KLF7: variants seen among roughly 807,000 people sequenced by gnomAD.
KLF7 encodes the protein Krueppel-like factor 7.
KLF7 carries 2 observed loss-of-function variants against 27.3 expected under a neutral mutation model. The ratio of observed to expected loss-of-function variants is 0.07; its 90% CI spans 0.03 to 0.23. KLF7 has a LOEUF of 0.23. Ranked by LOEUF, KLF7 falls within the 10% of genes least tolerant of loss-of-function variation. The probability of loss-of-function intolerance (pLI) is 1.00; values close to 1 mark genes in which losing one functional copy is unlikely to be tolerated. For missense variants in KLF7, 221 were observed against 394.1 expected (o/e 0.56, Z 3.72); for synonymous variants, 165 against 162.4 (o/e 1.02, Z -0.12).
At chr2:207,088,646 C>T (rs2076443560) in intron 2 of KLF7, 65 bp from the exon 3 acceptor site, 1 of 1,549,028 alleles carries the variant, frequency 6.5e-7, no homozygotes, top group Non-Finnish European at 8.8e-7. Flanking sequence ...CCCAACCAGC[C>T]TGTGCTGCCT....
chr2:207,096,622 C>G (rs2076635913), intron 2 of KLF7, among the ~76,000 whole-genome samples: 1 of 152,144 alleles, frequency 6.6e-6, no homozygotes, highest in Non-Finnish European at 1.5e-5. Context: ...GTCATAAAAC[C>G]AAAAGGCTCA....
chr2:207,162,606 C>A (rs1018945838), intron 1 of KLF7, among the ~76,000 whole-genome samples: 9 of 152,188 alleles, frequency 5.9e-5, no homozygotes, highest in Non-Finnish European at 1.2e-4. Flanking sequence ...AATGTCAAAA[C>A]GAGGATCTCC....
upstream of KLF7, chr2:207,166,847 G>T (rs1202856247): frequency 5.7e-6 from 6 of 1,047,024 alleles, no homozygotes; most frequent in East Asian, 2.7e-4. Flanking sequence ...AGGAGGAAGT[G>T]CCACACAATG....
chr2:207,113,360 G>A (rs1249917397), intron 2 of KLF7, among the ~76,000 whole-genome samples: 2 of 152,034 alleles, frequency 1.3e-5, no homozygotes, highest in African/African-American at 4.8e-5. Context: ...AGACTTTAAT[G>A]TGTTTCCATA....
rs751930376 is a variant in KLF7 at position 207,124,305 on chromosome 2, G to T, written c.202C>A (p.Pro68Thr). Residue 68 changes from proline to threonine, a missense_variant, in exon 2 of 4, where the codon CCG (proline) becomes ACG (threonine). Coordinates refer to ENST00000309446, the MANE Select transcript of KLF7 (RefSeq NM_003709.4). The stretch of plus-strand genomic sequence containing the variant: ...CGACGGAAGCTTTCCTCAATGCACG[G>T]GGGAGGGGAAGCGTGGAGGAAACAG... ...LDCFLHASPPPCIEESFRRLD... is the reference protein window; with the variant it reads ...LDCFLHASPPTCIEESFRRLD... 18 of 1,613,460 alleles carry T rather than the reference G, an allele frequency of 1.1e-5. No individual in the cohort carries two copies. The highest frequency in any genetic ancestry group is 1.3e-5 in the Non-Finnish European group (15 of 1,179,576).
At chr2:207,161,906 A>C (rs994935236) in intron 1 of KLF7, among the ~76,000 whole-genome samples, 3 of 152,258 alleles carry the variant, frequency 2.0e-5, no homozygotes, top group African/African-American at 7.2e-5. Context: ...AGAGGCCTGA[A>C]ACTGACCCCA....
At chr2:207,142,650 G>A (rs536481109) in intron 1 of KLF7, among the ~76,000 whole-genome samples, 1 of 152,290 alleles carries the variant, frequency 6.6e-6, no homozygotes, top group South Asian at 2.1e-4. Context: ...ACAGACCTTG[G>A]CAAATGAGTG....
Position 207,165,621 on chromosome 2 carries a change from G to A in KLF7, c.-53C>T. 1 of 1,610,502 alleles carries A rather than the reference G, an allele frequency of 6.2e-7. No individual in the cohort carries two copies. Among genetic ancestry groups the A allele is most frequent in the Non-Finnish European group, 8.5e-7 (1 of 1,178,842 alleles). ...CGAAACCCTCCCCCGAACACAGTTGGGGCTGTTTGTTTGTCAGTCTGTCTG... is the reference window on the plus strand; with the variant it reads ...CGAAACCCTCCCCCGAACACAGTTGAGGCTGTTTGTTTGTCAGTCTGTCTG... On this transcript the variant is annotated 5_prime_UTR_variant, in exon 1 of 4. Coordinates refer to ENST00000309446, the MANE Select transcript of KLF7 (RefSeq NM_003709.4).
upstream of KLF7, among the ~76,000 whole-genome samples, chr2:207,169,746 A>G (rs2078773273): frequency 6.6e-6 from 1 of 152,070 alleles, no homozygotes; most frequent in Admixed American, 6.5e-5. Flanking sequence ...TTTTGTTATT[A>G]TATCTGATAT....
rs572639424 is a variant in KLF7 at position 207,105,127 on chromosome 2, C to T, written c.734-16546G>A. On this transcript the variant is annotated intron_variant, in intron 2 of 3. Transcript: ENST00000309446. The stretch of plus-strand genomic sequence containing the variant: ...CATTCCGTCACCTTCTCAAAAAAAT[C>T]GGTGTCACTTAACAAGTTCTACATA... 1.6e-4 allele frequency among the ~76,000 whole-genome samples: 24 copies of T among 152,286 alleles called. No individual in the cohort carries two copies. In the South Asian group the frequency reaches 4.8e-3, roughly 30 times the overall value.
At chr2:207,094,620 G>T (rs2076583526) in intron 2 of KLF7, among the ~76,000 whole-genome samples, 1 of 152,202 alleles carries the variant, frequency 6.6e-6, no homozygotes, top group East Asian at 1.9e-4. Context: ...TAGAGAAAGT[G>T]TCACTAAGCT....
At chr2:207,128,773 C>T (rs1046950830) in intron 1 of KLF7, among the ~76,000 whole-genome samples, 4 of 152,102 alleles carry the variant, frequency 2.6e-5, no homozygotes, top group Non-Finnish European at 5.9e-5. Context: ...AAATTGAGGA[C>T]TATTCTACAA....
chr2:207,094,767 CCT>C (rs1257662790), intron 2 of KLF7, among the ~76,000 whole-genome samples: 1 of 151,692 alleles, frequency 6.6e-6, no homozygotes, highest in Non-Finnish European at 1.5e-5. Context: ...TCTCAGAGCC[CCT>C]CTTAGATTCC....
intron 1 of KLF7, chr2:207,149,282 T>G: frequency 1.7e-6 from 1 of 586,220 alleles, no homozygotes; most frequent in Non-Finnish European, 2.7e-6. Flanking sequence ...GCTCTGCCTT[T>G]GTCTTCTAGA....
At chr2:207,158,702 A>G (rs961507722) in intron 1 of KLF7, among the ~76,000 whole-genome samples, 3 of 152,240 alleles carry the variant, frequency 2.0e-5, no homozygotes, top group South Asian at 2.1e-4. Context: ...TTAAAAGTGG[A>G]AAAAGAATCA....
the KLF7 span, among the ~76,000 whole-genome samples, chr2:207,172,906 GAGC>G: frequency 9.2e-5 from 14 of 152,324 alleles, no homozygotes; most frequent in African/African-American, 3.4e-4. Flanking sequence ...GCCACTATGA[GAGC>G]AGGAGAGAAG....
intron 2 of KLF7, among the ~76,000 whole-genome samples, chr2:207,116,804 A>G (rs1391270635): frequency 6.6e-6 from 1 of 152,160 alleles, no homozygotes; most frequent in African/African-American, 2.4e-5. Flanking sequence ...TTGAATTTAT[A>G]AAATTCTATT....
rs1407611829 is a variant in KLF7 at position 207,079,338 on chromosome 2, T to A, written c.*1875A>T. ...ATTTCCTTTTGACTTCAGTTTTGCATCCCAAATATGTATGGGGTGGCATTT... is the reference window on the plus strand; with the variant it reads ...ATTTCCTTTTGACTTCAGTTTTGCAACCCAAATATGTATGGGGTGGCATTT... On this transcript the variant is annotated 3_prime_UTR_variant, in exon 4 of 4. Coordinates refer to ENST00000309446, the MANE Select transcript of KLF7 (RefSeq NM_003709.4). The A allele has an allele frequency of 6.6e-6, 1 of 152,198 alleles. No individual in the cohort carries two copies. Among genetic ancestry groups the A allele is most frequent in the Non-Finnish European group, 1.5e-5 (1 of 68,034 alleles). 9.4% of individuals were successfully genotyped at this position (152,198 alleles called of 1,614,324 possible). A position where few individuals can be genotyped will look rare whatever the true frequency, so the allele number is the denominator to read the frequency against.
At chr2:207,124,667 C>T (rs1023612680) in intron 1 of KLF7, among the ~76,000 whole-genome samples, 5 of 152,186 alleles carry the variant, frequency 3.3e-5, no homozygotes, top group African/African-American at 1.2e-4. Flanking sequence ...CTTCGAGATT[C>T]CAGAGAACAT....
Sources: allele counts gnomAD v4.1 joint callset (sites outside exome capture counted in the v4.1 genomes callset), GRCh38; gene constraint gnomAD v4.1.1; transcripts MANE v1.5; gene names NCBI Gene and HGNC (gene_info 2026-07-23, HGNC 2026-07-21).